The following LOC400499 variants were observed in gnomAD, a reference collection of about 807,000 sequenced individuals.
At chr16:11,457,459 G>C in the LOC400499 span, among the ~76,000 whole-genome samples, 5 of 152,004 alleles carry the variant, frequency 3.3e-5, no homozygotes, top group African/African-American at 9.7e-5. Context: ...CGGGCATGGT[G>C]GTGGGCGCCT....
the LOC400499 span, among the ~76,000 whole-genome samples, chr16:11,450,071 GGGGACTGT>G: frequency 4.3e-4 from 65 of 152,292 alleles, no homozygotes; most frequent in Non-Finnish European, 8.5e-4. Flanking sequence ...CTGCCTCAGA[GGGGACTGT>G]GCTGCCCTCG....
At chr16:11,491,463 G>A in the LOC400499 span, among the ~76,000 whole-genome samples, 7 of 152,148 alleles carry the variant, frequency 4.6e-5, no homozygotes, top group Admixed American at 4.6e-4. Context: ...GAGAGGAGAA[G>A]CAACTTCTCC....
At chr16:11,441,183 T>A in the LOC400499 span, 1 of 397,644 alleles carries the variant, frequency 2.5e-6, no homozygotes, top group African/African-American at 2.1e-5. Context: ...AGTCCAAAGA[T>A]TGATGGGTTA....
At chr16:11,443,301 G>A in the LOC400499 span, 1 of 352,430 alleles carries the variant, frequency 2.8e-6, no homozygotes, top group Non-Finnish European at 5.2e-6. Flanking sequence ...CCTAGCCTGG[G>A]CAACAGAGCA....
the LOC400499 span, among the ~76,000 whole-genome samples, chr16:11,466,895 CCAAGGTGT>C: frequency 6.6e-6 from 1 of 151,730 alleles, no homozygotes; most frequent in Non-Finnish European, 1.5e-5. Flanking sequence ...GAAAAGATTG[CCAAGGTGT>C]ACGTACGTAT....
At chr16:11,393,673 G>A in the LOC400499 span, 9 of 903,512 alleles carry the variant, frequency 1.0e-5, no homozygotes, top group Non-Finnish European at 8.7e-6. Context: ...TGTTGGACCT[G>A]TAGGGAACCA....
the LOC400499 span, among the ~76,000 whole-genome samples, chr16:11,510,379 G>A: frequency 2.6e-5 from 4 of 151,756 alleles, no homozygotes; most frequent in African/African-American, 9.7e-5. Flanking sequence ...CACAGAGGTC[G>A]TGCCTGCCCC....
At chr16:11,387,440 G>C in the LOC400499 span, 1 of 584,914 alleles carries the variant, frequency 1.7e-6, no homozygotes, top group Non-Finnish European at 2.5e-6. Flanking sequence ...CCTTGTTTTG[G>C]GAAATCCCAT....
At chr16:11,493,266 G>C in the LOC400499 span, among the ~76,000 whole-genome samples, 3 of 152,192 alleles carry the variant, frequency 2.0e-5, no homozygotes, top group Non-Finnish European at 2.9e-5. Context: ...GCAATGACTT[G>C]ACTCTGCAGG....
At chr16:11,413,613 T>C in the LOC400499 span, among the ~76,000 whole-genome samples, 1 of 152,172 alleles carries the variant, frequency 6.6e-6, no homozygotes, top group Non-Finnish European at 1.5e-5. Flanking sequence ...TCTGAGTCCC[T>C]ATTTTGCTGC....
the LOC400499 span, chr16:11,515,894 TAGCCC>T: frequency 1.8e-4 from 3 of 16,454 alleles, no homozygotes; most frequent in East Asian, 6.1e-4. Flanking sequence ...CAGCCCAGCC[TAGCCC>T]AGCCCAGCCC....
At chr16:11,464,954 T>TC in the LOC400499 span, among the ~76,000 whole-genome samples, 1 of 152,178 alleles carries the variant, frequency 6.6e-6, no homozygotes, top group Non-Finnish European at 1.5e-5. Flanking sequence ...AAGACAGCTC[T>TC]CCCCTGACAT....
the LOC400499 span, among the ~76,000 whole-genome samples, chr16:11,387,723 G>C: frequency 6.6e-6 from 1 of 152,070 alleles, no homozygotes; most frequent in South Asian, 2.1e-4. Context: ...TGCCTCCCGG[G>C]TTTGTTTCTC....
the LOC400499 span, chr16:11,491,717 G>A: frequency 1.5e-5 from 5 of 337,584 alleles, no homozygotes; most frequent in South Asian, 4.3e-4. Context: ...TGGAGAGCTC[G>A]CCTGCCTGGG....
At chr16:11,425,470 G>A in the LOC400499 span, 6 of 399,020 alleles carry the variant, frequency 1.5e-5, no homozygotes, top group Non-Finnish European at 2.7e-5. Flanking sequence ...AGCAGAGGCG[G>A]CTCAGGGAAA....
the LOC400499 span, among the ~76,000 whole-genome samples, chr16:11,394,378 C>G: frequency 2.0e-5 from 3 of 152,210 alleles, no homozygotes; most frequent in African/African-American, 7.2e-5. Context: ...ACCCTGTATT[C>G]TAGTCCAGAC....
At chr16:11,460,694 A>AGCCTG in the LOC400499 span, 4 of 1,446,992 alleles carry the variant, frequency 2.8e-6, no homozygotes, top group African/African-American at 5.7e-5. Context: ...GGCCCGGCCC[A>AGCCTG]GCCTGGCCTC....
At chr16:11,378,229 G>A in the LOC400499 span, among the ~76,000 whole-genome samples, 9 of 146,282 alleles carry the variant, frequency 6.2e-5, no homozygotes, top group East Asian at 1.6e-3. Context: ...GTGTCACTGT[G>A]CCTGGCTGCT....
the LOC400499 span, chr16:11,398,227 C>T: frequency 5.6e-5 from 48 of 851,338 alleles, no homozygotes; most frequent in South Asian, 1.1e-3. Flanking sequence ...GGCAGAGCCA[C>T]GATGGTGGCG....
Sources: gnomAD v4.1 joint callset for allele counts (sites outside exome capture counted in the v4.1 genomes callset) on GRCh38, gnomAD v4.1.1 for gene constraint, MANE v1.5 for transcripts.